DCC: variants seen among roughly 807,000 people sequenced by gnomAD.
The protein encoded by DCC is DCC netrin 1 receptor, also known as netrin receptor DCC.
In DCC, 58 loss-of-function variants were observed where a neutral mutation model predicts 172.5. That is an observed-to-expected ratio of 0.34 (90% CI 0.27 to 0.42). The LOEUF (loss-of-function observed/expected upper bound fraction) is 0.42, where lower values mean the gene tolerates loss of function less well. Among genes scored for constraint, DCC ranks in the 10% least tolerant of loss-of-function variants. The probability of loss-of-function intolerance (pLI) is 1.00; values close to 1 mark genes in which losing one functional copy is unlikely to be tolerated. For missense variants in DCC, 1,740 were observed against 1,791.0 expected (o/e 0.97, Z 0.51); for synonymous variants, 709 against 644.5 (o/e 1.10, Z -1.52).
chr18:52,836,325 A>C (rs1399152481), intron 2 of DCC, among the ~76,000 whole-genome samples: 1 of 152,180 alleles, frequency 6.6e-6, no homozygotes, highest in African/African-American at 2.4e-5. Flanking sequence ...CCCTTCCAAC[A>C]GTCTCCCAAA....
At chr18:53,068,457 A>G (rs568438072) in intron 7 of DCC, among the ~76,000 whole-genome samples, 1 of 136,840 alleles carries the variant, frequency 7.3e-6, no homozygotes, top group Non-Finnish European at 1.5e-5. Flanking sequence ...TAACAAAAGT[A>G]TGGGTGCCTT....
chr18:53,493,376 TGAGAGAG>T (rs2045981000), intron 26 of DCC, among the ~76,000 whole-genome samples: 1 of 151,978 alleles, frequency 6.6e-6, no homozygotes, highest in South Asian at 2.1e-4. Flanking sequence ...ATAGGAGTAG[TGAGAGAG>T]AGGGCATCCT....
At position 52,589,372 on chromosome 18, in the gene DCC, A is replaced by G. The variant is rs377512570; in HGVS notation, c.92-162682A>G. 1.3e-4 allele frequency among the ~76,000 whole-genome samples: 20 copies of G among 152,360 alleles called. No individual in the cohort carries two copies. The South Asian group carries it at 3.7e-3, about 28-fold the overall frequency. On this transcript the variant is annotated intron_variant, in intron 1 of 28. Transcript: ENST00000442544. The stretch of plus-strand genomic sequence containing the variant: ...TTTTACAAAATGAATGTAGTGTTCT[A>G]TGACACAAATAACCTAAGTATATCC...
intron 5 of DCC, among the ~76,000 whole-genome samples, chr18:53,056,130 G>A (rs960547662): frequency 6.6e-6 from 1 of 152,120 alleles, no homozygotes; most frequent in Non-Finnish European, 1.5e-5. Flanking sequence ...AGAAAAGAAT[G>A]TTTAATTGAC....
intron 2 of DCC, among the ~76,000 whole-genome samples, chr18:52,822,173 G>GAAAATAT (rs924072991): frequency 1.3e-5 from 2 of 152,120 alleles, no homozygotes; most frequent in African/African-American, 2.4e-5. Flanking sequence ...CGTATCCCAT[G>GAAAATAT]AAAATATAAG....
intron 14 of DCC, among the ~76,000 whole-genome samples, chr18:53,324,713 A>G (rs1446039942): frequency 2.6e-5 from 4 of 152,170 alleles, no homozygotes; most frequent in Admixed American, 1.3e-4. Context: ...AATTTGTCTT[A>G]TGTAAAAAAA....
At chr18:52,659,182 CA>C (rs2035311796) in intron 1 of DCC, among the ~76,000 whole-genome samples, 3 of 152,000 alleles carry the variant, frequency 2.0e-5, no homozygotes, top group Non-Finnish European at 4.4e-5. Flanking sequence ...AATGTTCAGA[CA>C]ACAGTCAGAT....
chr18:52,778,234 T>C (rs542533004), intron 2 of DCC, among the ~76,000 whole-genome samples: 1 of 152,348 alleles, frequency 6.6e-6, no homozygotes, highest in Non-Finnish European at 1.5e-5. Context: ...AACTATTGTA[T>C]GCAAGTTTAT....
chr18:52,672,712 T>C (rs1053339247), intron 1 of DCC, among the ~76,000 whole-genome samples: 1 of 148,674 alleles, frequency 6.7e-6, no homozygotes, highest in Non-Finnish European at 1.5e-5. Context: ...GAAAGGAGCT[T>C]CCTTCTTTCC....
chr18:52,550,623 TACA>T (rs2032743501), intron 1 of DCC, among the ~76,000 whole-genome samples: 3 of 152,198 alleles, frequency 2.0e-5, no homozygotes, highest in Admixed American at 2.0e-4. Flanking sequence ...CATATCCTAA[TACA>T]ACAAGAGGAA....
chr18:52,445,900 T>G (rs1988104709), intron 1 of DCC, among the ~76,000 whole-genome samples: 2 of 152,194 alleles, frequency 1.3e-5, no homozygotes, highest in African/African-American at 2.4e-5. Flanking sequence ...GCATGCAAAC[T>G]CCTTACCAGT....
intron 13 of DCC, among the ~76,000 whole-genome samples, chr18:53,306,550 A>G (rs967705617): frequency 1.3e-5 from 2 of 152,208 alleles, no homozygotes; most frequent in East Asian, 3.8e-4. Context: ...CACATGAACT[A>G]TCTCACAGTC....
intron 14 of DCC, 51 bp downstream of exon 14, chr18:53,322,208 A>C: frequency 1.5e-5 from 15 of 985,422 alleles, no homozygotes; most frequent in African/African-American, 3.2e-5. Flanking sequence ...TTGTTATCTC[A>C]GCTTCAAAAG....
At chr18:53,012,904 G>C (rs563746036) in intron 5 of DCC, among the ~76,000 whole-genome samples, 1 of 152,044 alleles carries the variant, frequency 6.6e-6, no homozygotes, top group Non-Finnish European at 1.5e-5. Flanking sequence ...CCATCAAAAA[G>C]TGGGCAAAGG....
intron 7 of DCC, 152 bp from the exon 8 acceptor site, chr18:53,157,204 T>G: frequency 1.1e-6 from 1 of 896,814 alleles, no homozygotes; most frequent in Non-Finnish European, 1.9e-6. Context: ...TTTATTCCAT[T>G]TACTGTGTGC....
chr18:53,266,476 C>CA (rs1285559902), intron 12 of DCC, among the ~76,000 whole-genome samples: 1 of 152,116 alleles, frequency 6.6e-6, no homozygotes, highest in African/African-American at 2.4e-5. Context: ...TACAAACACT[C>CA]AAAGTTGAGA....
At chr18:53,303,513 T>A (rs2057164544) in intron 12 of DCC, among the ~76,000 whole-genome samples, 1 of 152,216 alleles carries the variant, frequency 6.6e-6, no homozygotes, top group Non-Finnish European at 1.5e-5. Flanking sequence ...AAAGCTGATT[T>A]TAAACTACAA....
intron 2 of DCC, among the ~76,000 whole-genome samples, chr18:52,887,767 T>C (rs2039590045): frequency 6.6e-6 from 1 of 152,200 alleles, no homozygotes; most frequent in South Asian, 2.1e-4. Flanking sequence ...TTATCCAACT[T>C]TTAATAGTAA....
chr18:52,706,328 C>T (rs1255012779), intron 1 of DCC, among the ~76,000 whole-genome samples: 1 of 152,180 alleles, frequency 6.6e-6, no homozygotes, highest in East Asian at 1.9e-4. Context: ...TGTCCTCTAG[C>T]TTTTCTCAAA....
Sources: allele counts gnomAD v4.1 joint callset (sites outside exome capture counted in the v4.1 genomes callset), GRCh38; gene constraint gnomAD v4.1.1; transcripts MANE v1.5; gene names NCBI Gene and HGNC (gene_info 2026-07-23, HGNC 2026-07-21).